Variants in KRT17 observed in about 807,000 individuals in gnomAD.
KRT17 encodes keratin, type I cytoskeletal 17.
In KRT17, 29 loss-of-function variants were observed where a neutral mutation model predicts 45.6. The ratio of observed to expected loss-of-function variants is 0.64; its 90% CI spans 0.47 to 0.87. The LOEUF (loss-of-function observed/expected upper bound fraction) is 0.87. Among genes scored for constraint, KRT17 ranks in the 40% least tolerant of loss-of-function variants. The pLI is 0.00. For missense variants in KRT17, 536 were observed against 577.8 expected (o/e 0.93, Z 0.74); for synonymous variants, 219 against 234.6 (o/e 0.93, Z 0.61).
intron 2 of KRT17, 132 bp from the exon 3 acceptor site, chr17:41,622,643 G>C: frequency 9.1e-7 from 1 of 1,100,464 alleles, no homozygotes; most frequent in South Asian, 1.3e-5. Context: ...GAGTGGAAAC[G>C]AATTCCAGCC....
In KRT17 at chr17:41,620,520, C is replaced by T. The variant is rs761334504; in HGVS notation, c.1204+16G>A. ...ATGCACCCAACCCCCAGGGCCGAAG[C>T]CACGCAGATACTTACGTTCTTTCTT... On this transcript the variant is annotated intron_variant, in intron 7 of 7. Coordinates refer to ENST00000311208, the MANE Select transcript of KRT17 (RefSeq NM_000422.3). 1 of 1,611,858 alleles carries T rather than the reference C, an allele frequency of 6.2e-7. No homozygotes were observed. Among genetic ancestry groups the T allele is most frequent in the Non-Finnish European group, 8.5e-7 (1 of 1,179,802 alleles).
At chr17:41,620,184 G>A in intron 7 of KRT17, 5 of 985,346 alleles carry the variant, frequency 5.1e-6, no homozygotes, top group Non-Finnish European at 6.0e-6. Flanking sequence ...ACAGACCCCA[G>A]AGACAGGACT....
At position 41,624,450 on chromosome 17, in the gene KRT17, C is replaced by G. The variant is rs1016619635; in HGVS notation, c.60G>C (p.Leu20=). ...SSSSIKGSSG[L]GGGSSRTSCR... ...AGGAGGTGCGGGACGAGCCGCCCCC[C>G]AGGCCGGAGGAGCCCTTGATGGAGC... The change falls in exon 1 of 8, where the codon CTG becomes CTC. Residue 20 remains leucine (L), a synonymous_variant. Coordinates refer to ENST00000311208, the MANE Select transcript of KRT17 (RefSeq NM_000422.3). 3 of 1,610,442 alleles carry G rather than the reference C, an allele frequency of 1.9e-6. No individual in the cohort carries two copies. The highest frequency in any genetic ancestry group is 1.7e-5 in the Admixed American group (1 of 59,956).
At chr17:41,620,475 G>A (rs1333332337) in intron 7 of KRT17, 61 bp downstream of exon 7, 44 of 1,611,580 alleles carry the variant, frequency 2.7e-5, no homozygotes, top group Non-Finnish European at 1.1e-5. Flanking sequence ...CCAGCAACGT[G>A]CAGGTGGGCT....
rs374625907 is a variant in KRT17, at chr17:41,622,730, G to A, written c.516-219C>T. 1,033 of 700,370 alleles carry A rather than the reference G, an allele frequency of 1.5e-3. 5 individuals are homozygous for A. In the African/African-American group the frequency reaches 0.015, roughly 10 times the overall value. The allele number at this position is 700,370 out of a possible 1,614,324, so 43.4% of individuals were successfully genotyped here. A position where few individuals can be genotyped will look rare whatever the true frequency, so the allele number is the denominator to read the frequency against. On this transcript the variant is annotated intron_variant, in intron 2 of 7. Coordinates refer to ENST00000311208, the MANE Select transcript of KRT17 (RefSeq NM_000422.3). ...TACTTCTCTCTGCCTCCCGCCTCCC[G>A]CCTCCCCTCCTTCTCTTCTATTCCC... is the stretch of plus-strand genomic sequence containing the variant.
intron 4 of KRT17, among the ~76,000 whole-genome samples, 182 bp downstream of exon 4, chr17:41,621,411 C>G (rs1171484549): frequency 6.6e-6 from 1 of 152,180 alleles, no homozygotes; most frequent in African/African-American, 2.4e-5. Context: ...CCTCCCCACC[C>G]ACCCGCCAGA....
At position 41,624,484 on chromosome 17, in the gene KRT17, G is replaced by T. The variant is rs769369981; in HGVS notation, c.26C>A (p.Thr9Asn). 5 of 1,610,426 alleles carry T rather than the reference G, an allele frequency of 3.1e-6. No homozygotes were observed. The highest frequency in any genetic ancestry group is 4.2e-6 in the Non-Finnish European group (5 of 1,179,578). Residue 9 changes from threonine to asparagine, a missense_variant, in exon 1 of 8, where the codon ACC becomes AAC. Thr to Asn is a moderately conservative substitution (Grantham distance 65, BLOSUM62 0). Coordinates refer to ENST00000311208, the MANE Select transcript of KRT17 (RefSeq NM_000422.3). ...GGAGCCCTTGATGGAGCTGGAGGAG[G>T]TGAACTGGCGGATGGAGGTGGTCAT... is the stretch of plus-strand genomic sequence containing the variant. MTTSIRQF[T>N]SSSSIKGSSG...
chr17:41,623,960 G>A, intron 1 of KRT17, 118 bp downstream of exon 1: 2 of 1,490,786 alleles, frequency 1.3e-6, no homozygotes, highest in Non-Finnish European at 1.9e-6. Flanking sequence ...CTAAGCCACA[G>A]CCAAACCACC....
rs1427803696 is a variant in KRT17 at position 41,621,694 on chromosome 17, G to A, written c.733C>T (p.Pro245Ser). 6.2e-7 allele frequency: 1 copy of A among 1,612,226 alleles called. No homozygotes were observed. The change falls in exon 4 of 8, where the codon CCA becomes TCA. Residue 245 changes from proline to serine, a missense_variant. Pro to Ser is a moderately conservative substitution (Grantham distance 74). Transcript: ENST00000311208. The stretch of plus-strand genomic sequence containing the variant: ...AGGATGCGGCTCAGGTCCACGCCTG[G>A]GGCAGCGTCCATCTCCACATTGATC... ...GEINVEMDAA[P>S]GVDLSRILNE...
At chr17:41,620,263 G>A (rs1368567835) in intron 7 of KRT17, 1 of 985,244 alleles carries the variant, frequency 1.0e-6, no homozygotes, top group East Asian at 1.1e-4. Flanking sequence ...CCCATCAGAT[G>A]ACAATCTCCA....
At chr17:41,622,692 C>T (rs1259774493) in intron 2 of KRT17, among the ~76,000 whole-genome samples, 181 bp from the exon 3 acceptor site, 3 of 152,226 alleles carry the variant, frequency 2.0e-5, no homozygotes, top group Admixed American at 2.0e-4. Context: ...GATCCCACGC[C>T]CACCAGCTTC....
chr17:41,621,023 C>T lies in KRT17; in HGVS notation c.903G>A (p.Ser301=), dbSNP rs148958331. 1.8e-3 allele frequency: 2,826 copies of T among 1,613,974 alleles called. 4 individuals carry two copies. Among genetic ancestry groups the T allele is most frequent in the Admixed American group, 3.3e-3 (196 of 59,998 alleles). ...AGGCCTGCATGGTGCGCCGGAGCTC[C>T]GAGATCTCACTCTTGCCACTCTGCA... is the stretch of plus-strand genomic sequence containing the variant. ...ELVQSGKSEI[S]ELRRTMQALE... The change falls in exon 5 of 8, where the codon TCG becomes TCA. Residue 301 remains serine, a synonymous_variant. Transcript: ENST00000311208.
chr17:41,624,567 A>G lies in KRT17; in HGVS notation c.-58T>C. ...AAGGGCTGGAGAGGAGAGGGGCCCC[A>G]AGTTGTGTAGGGCTGCCGGGGTTCG... On this transcript the variant is annotated 5_prime_UTR_variant, in exon 1 of 8. Transcript: ENST00000311208. 6.7e-7 allele frequency: 1 copy of G among 1,500,932 alleles called. No homozygotes were observed. The highest frequency in any genetic ancestry group is 9.2e-7 in the Non-Finnish European group (1 of 1,087,694). The allele number at this position is 1,500,932 out of a possible 1,614,324, so 93.0% of individuals were successfully genotyped here.
At chr17:41,620,923 T>C in intron 5 of KRT17, 43 bp downstream of exon 5, 3 of 1,614,020 alleles carry the variant, frequency 1.9e-6, no homozygotes, top group Non-Finnish European at 2.5e-6. Flanking sequence ...GGATGGTCAA[T>C]GCCCTCTTCT....
At position 41,624,268 on chromosome 17, in the gene KRT17, G is replaced by T. The variant is rs769139580; in HGVS notation, c.242C>A (p.Ala81Asp). 1 of 1,612,470 alleles carries T rather than the reference G, an allele frequency of 6.2e-7. No individual in the cohort carries two copies. Among genetic ancestry groups the T allele is most frequent in the South Asian group, 1.1e-5 (1 of 90,996 alleles). Residue 81 changes from alanine to aspartate, a missense_variant, in exon 1 of 8, where the codon GCT (alanine) becomes GAT (aspartate). Transcript: ENST00000311208. ...SSFGGVDGLL[A>D]GGEKATMQNL... The stretch of plus-strand genomic sequence containing the variant: ...CTGCATGGTGGCCTTCTCACCTCCA[G>T]CCAGCAGCCCATCAACACCCCCAAA...
chr17:41,622,111 T>G, intron 3 of KRT17: 2 of 613,372 alleles, frequency 3.3e-6, no homozygotes, highest in Non-Finnish European at 5.9e-6. Context: ...GCAGGGTAGG[T>G]AGAGGGAGCC....
intron 2 of KRT17, 168 bp downstream of exon 2, chr17:41,622,782 T>G: frequency 1.4e-6 from 1 of 724,924 alleles, no homozygotes; most frequent in Non-Finnish European, 2.5e-6. Flanking sequence ...CCTTCAGAAC[T>G]GGCTGCCTTC....
rs115608053 is a variant in KRT17, at chr17:41,621,278, G to A, written c.835-187C>T. Among the ~76,000 whole-genome samples, 1,103 of 152,336 alleles carry A rather than the reference G, an allele frequency of 7.2e-3. 14 individuals are homozygous for A. The highest frequency in any genetic ancestry group is 0.025 in the African/African-American group (1,047 of 41,566). ...TCCCAGCGTGTGGGAGGCACAGACC[G>A]GAAACTTGAGAACAAGCCAGAACAT... On this transcript the variant is annotated intron_variant, in intron 4 of 7. Transcript: ENST00000311208.
chr17:41,620,766 G>T lies in KRT17; in HGVS notation c.1074C>A (p.Cys358Ter), dbSNP rs746458554. Residue 358 changes from cysteine (C) to a stop codon, truncating the protein, a stop_gained, in exon 6 of 8, where the codon TGC (cysteine) becomes TGA (stop). Transcript: ENST00000311208. LOFTEE classifies it high-confidence loss of function. ...SVEEQLAQLR[C>*]EMEQQNQEYK... ...ATTCCTGGTTCTGCTGCTCCATCTC[G>T]CAGCGAAGCTGGGCCAGCTGCTCCT... The T allele has an allele frequency of 8.1e-6, 13 of 1,612,688 alleles. No individual in the cohort carries two copies. The highest frequency in any genetic ancestry group is 2.0e-4 in the Middle Eastern group (1 of 4,980).
Sources: allele counts gnomAD v4.1 joint callset (sites outside exome capture counted in the v4.1 genomes callset), GRCh38; gene constraint gnomAD v4.1.1; transcripts MANE v1.5; gene names NCBI Gene and HGNC (gene_info 2026-07-23, HGNC 2026-07-21).